The following TNNI3K variants were observed in gnomAD, a reference collection of about 807,000 sequenced individuals.
TNNI3K encodes serine/threonine-protein kinase TNNI3K.
TNNI3K carries 140 observed loss-of-function variants against 114.5 expected under a neutral mutation model. The ratio of observed to expected loss-of-function variants is 1.22; its 90% CI spans 1.07 to 1.41. TNNI3K has a LOEUF of 1.41. TNNI3K is among the 40% of genes most tolerant of loss of function. The probability of loss-of-function intolerance (pLI) is 0.00; values close to 1 mark genes in which losing one functional copy is unlikely to be tolerated. For synonymous variants in TNNI3K, 347 were observed against 347.5 expected, an observed-to-expected ratio of 1.00 and a Z score of 0.02; for missense variants, 1,125 against 1,007.6, an observed-to-expected ratio of 1.12 and a Z score of -1.58.
chr1:74,279,059 G>A (rs1281490995), intron 5 of TNNI3K, among the ~76,000 whole-genome samples: 1 of 152,064 alleles, frequency 6.6e-6, no homozygotes, highest in Non-Finnish European at 1.5e-5. Flanking sequence ...ATCAATGCTG[G>A]AAGGAAATCT....
At chr1:74,295,151 T>G (rs929798899) in intron 5 of TNNI3K, among the ~76,000 whole-genome samples, 1 of 127,690 alleles carries the variant, frequency 7.8e-6, no homozygotes, top group South Asian at 2.9e-4. Flanking sequence ...ATTGCTAAAT[T>G]TTCAAACATT....
At chr1:74,322,244 G>T (rs562201136) in intron 5 of TNNI3K, among the ~76,000 whole-genome samples, 1 of 152,274 alleles carries the variant, frequency 6.6e-6, no homozygotes, top group East Asian at 1.9e-4. Context: ...GCACAGTTCT[G>T]CCAAGGGTAA....
chr1:74,497,548 C>G (rs1370644149), intron 23 of TNNI3K, among the ~76,000 whole-genome samples: 1 of 151,634 alleles, frequency 6.6e-6, no homozygotes, highest in Non-Finnish European at 1.5e-5. Flanking sequence ...ATGGCTTCAA[C>G]TCACACCACA....
chr1:74,388,549 T>G (rs1347760988), intron 17 of TNNI3K, among the ~76,000 whole-genome samples: 1 of 152,168 alleles, frequency 6.6e-6, no homozygotes, highest in Non-Finnish European at 1.5e-5. Context: ...GGACTTCGTC[T>G]TTTCTCAGCC....
intron 11 of TNNI3K, among the ~76,000 whole-genome samples, chr1:74,363,246 T>C (rs1662067959): frequency 1.3e-5 from 2 of 151,960 alleles, no homozygotes; most frequent in African/African-American, 4.8e-5. Context: ...TTTCTTTCCA[T>C]GTACTTTAGT....
At chr1:74,457,813 G>A (rs1246133053) in intron 20 of TNNI3K, among the ~76,000 whole-genome samples, 1 of 152,104 alleles carries the variant, frequency 6.6e-6, no homozygotes, top group Non-Finnish European at 1.5e-5. Flanking sequence ...AGGCTGTCAT[G>A]GAGAGCTGCA....
chr1:74,254,401 G>T (rs139748886), intron 4 of TNNI3K, among the ~76,000 whole-genome samples: 1,571 of 152,200 alleles, frequency 0.01, 8 homozygotes, highest in Non-Finnish European at 0.016. Flanking sequence ...TCCAGGATAG[G>T]ATTCAATCCA....
At chr1:74,442,141 G>T (rs1666401123) in intron 20 of TNNI3K, among the ~76,000 whole-genome samples, 1 of 151,602 alleles carries the variant, frequency 6.6e-6, no homozygotes, top group Admixed American at 6.6e-5. Context: ...CCCAGTTTGG[G>T]TTGAATTTGG....
chr1:74,301,407 A>T (rs949487830), intron 5 of TNNI3K, among the ~76,000 whole-genome samples: 1 of 152,080 alleles, frequency 6.6e-6, no homozygotes, highest in Admixed American at 6.5e-5. Context: ...CTCAAAAAAA[A>T]TGATGGGGAG....
intron 4 of TNNI3K, among the ~76,000 whole-genome samples, chr1:74,256,563 T>C (rs1041287156): frequency 2.0e-5 from 3 of 152,050 alleles, no homozygotes; most frequent in Non-Finnish European, 4.4e-5. Context: ...TCTCAGTGTC[T>C]GACTTGCCTT....
intron 5 of TNNI3K, among the ~76,000 whole-genome samples, chr1:74,283,175 A>G (rs1345854178): frequency 6.6e-6 from 1 of 152,186 alleles, no homozygotes; most frequent in Non-Finnish European, 1.5e-5. Context: ...ACTCAATTTA[A>G]GAACACTGCA....
intron 21 of TNNI3K, among the ~76,000 whole-genome samples, chr1:74,476,397 C>G (rs1668209201): frequency 6.6e-6 from 1 of 152,054 alleles, no homozygotes; most frequent in African/African-American, 2.4e-5. Flanking sequence ...AATGATTTCC[C>G]TTGTTTTTTC....
chr1:74,272,326 A>G (rs982602327), intron 5 of TNNI3K, among the ~76,000 whole-genome samples: 2 of 151,974 alleles, frequency 1.3e-5, no homozygotes, highest in African/African-American at 2.4e-5. Context: ...TTTAATTAGT[A>G]GTGAGTACCA....
intron 17 of TNNI3K, among the ~76,000 whole-genome samples, chr1:74,413,557 T>G (rs1237230390): frequency 6.6e-6 from 1 of 152,202 alleles, no homozygotes. Context: ...TCTGATAAAA[T>G]GTATTTAATC....
At chr1:74,449,529 A>C (rs1666887336) in intron 20 of TNNI3K, among the ~76,000 whole-genome samples, 1 of 152,212 alleles carries the variant, frequency 6.6e-6, no homozygotes, top group South Asian at 2.1e-4. Flanking sequence ...GCAGAGACAC[A>C]CATAGGCTCA....
At chr1:74,297,787 A>C (rs1320972734) in intron 5 of TNNI3K, among the ~76,000 whole-genome samples, 1 of 152,156 alleles carries the variant, frequency 6.6e-6, no homozygotes, top group Admixed American at 6.5e-5. Context: ...AATAAAAGCT[A>C]CATGGCCTTT....
At chr1:74,480,125 G>C in intron 21 of TNNI3K, 1 of 696,230 alleles carries the variant, frequency 1.4e-6, no homozygotes, top group Non-Finnish European at 2.7e-6. Flanking sequence ...GAAGAGAAAA[G>C]AGGAGGGCAC....
At chr1:74,403,859 G>C (rs1204067287) in intron 17 of TNNI3K, among the ~76,000 whole-genome samples, 1 of 152,162 alleles carries the variant, frequency 6.6e-6, no homozygotes, top group Non-Finnish European at 1.5e-5. Context: ...ATAATGAAGA[G>C]AGAGCTGAGT....
intron 4 of TNNI3K, among the ~76,000 whole-genome samples, chr1:74,261,269 A>T (rs974261859): frequency 6.6e-6 from 1 of 151,920 alleles, no homozygotes; most frequent in African/African-American, 2.4e-5. Context: ...AATAACTAAA[A>T]GCTAAGAAAA....
Sources: gnomAD v4.1 joint callset for allele counts (sites outside exome capture counted in the v4.1 genomes callset) on GRCh38, gnomAD v4.1.1 for gene constraint, MANE v1.5 for transcripts, NCBI Gene and HGNC (gene_info 2026-07-23, HGNC 2026-07-21) for gene names.